ZNF280D: variants seen among roughly 807,000 people sequenced by gnomAD.
ZNF280D encodes zinc finger protein 280D, also known as suppressor of hairy wing homolog 4.
Under a neutral mutation model 94.7 loss-of-function variants are expected in ZNF280D, and 39 were observed. The ratio of observed to expected loss-of-function variants is 0.41; its 90% CI spans 0.32 to 0.54. ZNF280D has a LOEUF of 0.54. ZNF280D is among the 20% of genes least tolerant of loss of function. The pLI is 0.22. For missense variants in ZNF280D, 1,090 were observed against 1,149.3 expected (o/e 0.95, Z 0.75); for synonymous variants, 398 against 377.6 (o/e 1.05, Z -0.63).
At chr15:56,702,277 T>C (rs1237792983) in intron 4 of ZNF280D, among the ~76,000 whole-genome samples, 1 of 152,274 alleles carries the variant, frequency 6.6e-6, no homozygotes, top group East Asian at 1.9e-4. Context: ...ACTCAAACCA[T>C]GAAAGAGCTA....
At chr15:56,701,949 T>C (rs1304665423) in intron 4 of ZNF280D, among the ~76,000 whole-genome samples, 1 of 150,220 alleles carries the variant, frequency 6.7e-6, no homozygotes. Flanking sequence ...CTGTAACTTC[T>C]AGCTTATCAA....
At chr15:56,669,895 TA>T (rs1287571824) in intron 13 of ZNF280D, among the ~76,000 whole-genome samples, 1,118 of 11,254 alleles carry the variant, frequency 0.099, 390 homozygotes, top group Admixed American at 0.53. Flanking sequence ...ATATTATATA[TA>T]TATATAATAT....
chr15:56,652,827 T>G, intron 19 of ZNF280D: 1 of 984,202 alleles, frequency 1.0e-6, no homozygotes, highest in Non-Finnish European at 1.2e-6. Flanking sequence ...TAATGTTTAA[T>G]GGGCTTAGTA....
At chr15:56,709,744 A>C (rs2057648215) in intron 1 of ZNF280D, among the ~76,000 whole-genome samples, 1 of 152,214 alleles carries the variant, frequency 6.6e-6, no homozygotes, top group African/African-American at 2.4e-5. Context: ...CATTCTCAGC[A>C]AACTATCACA....
intron 19 of ZNF280D, chr15:56,653,431 G>A (rs2053328132): frequency 1.4e-6 from 2 of 1,416,778 alleles, no homozygotes; most frequent in African/African-American, 1.5e-5. Context: ...TAGAAAGGGA[G>A]TCTCCCCAAG....
At chr15:56,720,557 CAGA>C (rs1168392896) in intron 1 of ZNF280D, among the ~76,000 whole-genome samples, 2 of 152,160 alleles carry the variant, frequency 1.3e-5, no homozygotes, top group Non-Finnish European at 2.9e-5. Context: ...GACTCCTTTC[CAGA>C]AGGTTTTCAA....
At chr15:56,632,472 G>GA (rs574299438) in intron 21 of ZNF280D, among the ~76,000 whole-genome samples, 1 of 149,406 alleles carries the variant, frequency 6.7e-6, no homozygotes, top group Admixed American at 6.7e-5. Context: ...AATATATTTG[G>GA]AAAAAAATCT....
intron 1 of ZNF280D, among the ~76,000 whole-genome samples, chr15:56,727,095 A>G (rs1417627799): frequency 6.6e-6 from 1 of 152,236 alleles, no homozygotes; most frequent in African/African-American, 2.4e-5. Context: ...CGGTTATTTT[A>G]GTAAAATTTG....
intron 7 of ZNF280D, among the ~76,000 whole-genome samples, chr15:56,689,777 C>CA (rs746822335): frequency 2.8e-3 from 408 of 145,888 alleles, no homozygotes; most frequent in Non-Finnish European, 3.7e-3. Context: ...ATATTCCAAG[C>CA]CAAAAAAAAA....
chr15:56,721,475 T>C (rs2058356431), intron 1 of ZNF280D, among the ~76,000 whole-genome samples: 1 of 152,244 alleles, frequency 6.6e-6, no homozygotes. Flanking sequence ...CTATTTAATC[T>C]ATATAGAAAA....
chr15:56,659,727 C>A (rs943801399), intron 16 of ZNF280D, among the ~76,000 whole-genome samples: 5 of 151,846 alleles, frequency 3.3e-5, no homozygotes, highest in African/African-American at 1.2e-4. Context: ...TCCCCCGTGA[C>A]AACCCCTCAA....
chr15:56,700,875 T>C (rs964464505), intron 6 of ZNF280D, 58 bp downstream of exon 6: 5 of 1,613,218 alleles, frequency 3.1e-6, no homozygotes, highest in Non-Finnish European at 4.2e-6. Context: ...ACTGTTGATA[T>C]TGATAAACAA....
At chr15:56,681,159 T>A (rs1010422345) in intron 10 of ZNF280D, among the ~76,000 whole-genome samples, 2 of 152,206 alleles carry the variant, frequency 1.3e-5, no homozygotes, top group Non-Finnish European at 2.9e-5. Flanking sequence ...ATAACTGTTA[T>A]AGGTGTATAT....
intron 17 of ZNF280D, among the ~76,000 whole-genome samples, chr15:56,655,409 T>A (rs1219998472): frequency 6.7e-6 from 1 of 149,004 alleles, no homozygotes; most frequent in African/African-American, 2.5e-5. Context: ...GGTTTCACCA[T>A]GTTGGTCAGG....
intron 12 of ZNF280D, 82 bp downstream of exon 12, chr15:56,677,492 C>T: frequency 6.3e-6 from 6 of 950,356 alleles, no homozygotes; most frequent in South Asian, 2.7e-5. Flanking sequence ...GTTTGCTGAC[C>T]GCTGGTCTAA....
Position 56,707,413 on chromosome 15 carries a change from T to C in ZNF280D, c.-85-107A>G. 4.6e-6 allele frequency: 4 copies of C among 863,608 alleles called. No homozygotes were observed. The South Asian group carries it at 6.7e-5, about 14-fold the overall frequency. The allele number at this position is 863,608 out of a possible 1,614,324, so 53.5% of individuals were successfully genotyped here. On this transcript the variant is annotated intron_variant, in intron 1 of 21. Coordinates refer to ENST00000267807, the MANE Select transcript of ZNF280D (RefSeq NM_017661.4). Reference sequence around the variant, plus strand: ...GGTCAATTATGTTTGATATATCTGATATACACATATAGTTCATTTTACATA... The same window carrying C: ...GGTCAATTATGTTTGATATATCTGACATACACATATAGTTCATTTTACATA...
intron 9 of ZNF280D, among the ~76,000 whole-genome samples, chr15:56,685,541 A>G (rs1341504580): frequency 6.6e-6 from 1 of 152,184 alleles, no homozygotes; most frequent in Non-Finnish European, 1.5e-5. Context: ...AGGTATAGAC[A>G]TTTTGACAGC....
chr15:56,635,942 T>C (rs925002175), intron 20 of ZNF280D, among the ~76,000 whole-genome samples: 3 of 152,096 alleles, frequency 2.0e-5, no homozygotes, highest in Non-Finnish European at 4.4e-5. Flanking sequence ...ACTATTTCAA[T>C]ATATGAGAAA....
At chr15:56,683,509 G>C (rs1566977693) in intron 9 of ZNF280D, among the ~76,000 whole-genome samples, 1 of 151,970 alleles carries the variant, frequency 6.6e-6, no homozygotes, top group Non-Finnish European at 1.5e-5. Context: ...TTATTTTTGT[G>C]GGTTAAAGAT....
Sources: gnomAD v4.1 joint callset for allele counts (sites outside exome capture counted in the v4.1 genomes callset) on GRCh38, gnomAD v4.1.1 for gene constraint, MANE v1.5 for transcripts, NCBI Gene and HGNC (gene_info 2026-07-23, HGNC 2026-07-21) for gene names.